The following OSBPL10 variants were observed in gnomAD, a reference collection of about 807,000 sequenced individuals.
The protein encoded by OSBPL10 is oxysterol-binding protein-related protein 10.
OSBPL10 carries 49 observed loss-of-function variants against 81.7 expected under a neutral mutation model. The ratio of observed to expected loss-of-function variants is 0.60; its 90% CI spans 0.48 to 0.76. The LOEUF (loss-of-function observed/expected upper bound fraction) is 0.76, where lower values mean the gene tolerates loss of function less well. Ranked by LOEUF, OSBPL10 falls within the 30% of genes least tolerant of loss-of-function variation. The pLI is 0.00. For missense variants in OSBPL10, 923 were observed against 987.8 expected (o/e 0.93, Z 0.88); for synonymous variants, 419 against 383.6 (o/e 1.09, Z -1.08).
chr3:31,824,815 A>G (rs1700063920), intron 4 of OSBPL10, among the ~76,000 whole-genome samples: 1 of 152,126 alleles, frequency 6.6e-6, no homozygotes, highest in African/African-American at 2.4e-5. Context: ...AGTTGCGGGT[A>G]TATCATCCCA....
chr3:31,932,100 A>G (rs1158047041), intron 1 of OSBPL10, among the ~76,000 whole-genome samples: 1 of 152,176 alleles, frequency 6.6e-6, no homozygotes, highest in Non-Finnish European at 1.5e-5. Flanking sequence ...CAGAATTTAT[A>G]TATCTGATTA....
chr3:32,060,277 C>T (rs1406219311), intron 1 of OSBPL10, among the ~76,000 whole-genome samples: 1 of 152,146 alleles, frequency 6.6e-6, no homozygotes, highest in Non-Finnish European at 1.5e-5. Flanking sequence ...CAGGCAAGAT[C>T]CGGCCTCCTT....
chr3:31,878,379 A>T (rs1701532563), intron 2 of OSBPL10, among the ~76,000 whole-genome samples: 1 of 152,260 alleles, frequency 6.6e-6, no homozygotes, highest in Non-Finnish European at 1.5e-5. Flanking sequence ...GAAGCCAAGG[A>T]CCATATAAAT....
intron 1 of OSBPL10, among the ~76,000 whole-genome samples, chr3:31,899,411 G>C (rs1204066057): frequency 6.6e-6 from 1 of 152,058 alleles, no homozygotes; most frequent in Non-Finnish European, 1.5e-5. Flanking sequence ...GTGGAAAGAA[G>C]AAACATAGAA....
intron 1 of OSBPL10, among the ~76,000 whole-genome samples, chr3:31,923,216 G>A (rs67579904): frequency 0.11 from 17,399 of 152,098 alleles, 1,131 homozygotes; most frequent in Middle Eastern, 0.17. Flanking sequence ...ACTGGTGGAG[G>A]AAAGGGGTGG....
intron 3 of OSBPL10, among the ~76,000 whole-genome samples, chr3:31,833,446 C>A (rs912986286): frequency 6.6e-6 from 1 of 152,132 alleles, no homozygotes; most frequent in Non-Finnish European, 1.5e-5. Context: ...ATATACAATA[C>A]TTAGCACAGT....
chr3:31,854,260 T>C (rs58814345), intron 3 of OSBPL10, among the ~76,000 whole-genome samples: 2,407 of 152,210 alleles, frequency 0.016, 53 homozygotes, highest in African/African-American at 0.055. Flanking sequence ...AGGCCTGCTC[T>C]GATCTTCCTT....
At chr3:31,718,808 G>A (rs1696539018) in intron 6 of OSBPL10, 2 of 152,072 alleles carry the variant, frequency 1.3e-5, no homozygotes, top group Non-Finnish European at 2.9e-5. Context: ...TTAAAAACCA[G>A]TAACATCAGA....
At chr3:31,817,637 G>A (rs189651565) in intron 4 of OSBPL10, among the ~76,000 whole-genome samples, 26 of 152,224 alleles carry the variant, frequency 1.7e-4, no homozygotes, top group African/African-American at 5.5e-4. Context: ...ATCCACAGCC[G>A]CAGTTTGGGC....
At position 31,749,524 on chromosome 3, in the gene OSBPL10, A is replaced by G. The variant is rs534362526; in HGVS notation, c.730-1404T>C. On this transcript the variant is annotated intron_variant, in intron 4 of 11. Transcript: ENST00000396556. ...TCATTTCTTCTCCAGGTCTTTGTTTAAAAGTCACCTTTTTAGCTGCTTGCA... is the reference window on the plus strand; with the variant it reads ...TCATTTCTTCTCCAGGTCTTTGTTTGAAAGTCACCTTTTTAGCTGCTTGCA... Among the ~76,000 whole-genome samples the G allele has an allele frequency of 2.1e-4, 32 of 152,368 alleles. No individual in the cohort carries two copies. The Middle Eastern group carries it at 0.01, about 49-fold the overall frequency.
Position 31,684,050 on chromosome 3 carries a change from G to A in OSBPL10, c.1310C>T (p.Ala437Val), listed in dbSNP as rs755721407. The A allele has an allele frequency of 2.2e-5, 35 of 1,614,204 alleles. No homozygotes were observed. The highest frequency in any genetic ancestry group is 1.0e-4 in the Admixed American group (6 of 60,028). Reference sequence around the variant, plus strand: ...GATGGCCAGCAGTAGGTCTGGGTGCGCCATGAAATCTGCATACATCTCCAG... The same window carrying A: ...GATGGCCAGCAGTAGGTCTGGGTGCACCATGAAATCTGCATACATCTCCAG... ...SLLEMYADFM[A>V]HPDLLLAITA... The change falls in exon 8 of 12, where the codon GCG (alanine) becomes GTG (valine). Residue 437 changes from alanine (A) to valine (V), a missense_variant. This residue lies in a region of OSBPL10 where 387 missense variants were observed against 436.3 expected (regional missense o/e 0.89). Coordinates refer to ENST00000396556, the MANE Select transcript of OSBPL10 (RefSeq NM_017784.5).
intron 1 of OSBPL10, among the ~76,000 whole-genome samples, chr3:31,911,462 G>A (rs1180149113): frequency 2.0e-5 from 3 of 152,054 alleles, no homozygotes; most frequent in South Asian, 2.1e-4. Context: ...GGGGAATGGC[G>A]AAACACCACT....
At chr3:31,979,977 C>G (rs983486766) in intron 1 of OSBPL10, among the ~76,000 whole-genome samples, 2 of 150,614 alleles carry the variant, frequency 1.3e-5, no homozygotes, top group South Asian at 2.1e-4. Context: ...TTTTTTCTTT[C>G]TTTTTATTAT....
intron 3 of OSBPL10, among the ~76,000 whole-genome samples, chr3:31,862,438 C>G (rs1701079059): frequency 6.6e-6 from 1 of 152,088 alleles, no homozygotes; most frequent in South Asian, 2.1e-4. Flanking sequence ...GCGTTCCACC[C>G]TAGAACTTTA....
intron 2 of OSBPL10, among the ~76,000 whole-genome samples, chr3:32,032,707 T>G (rs1363389794): frequency 6.6e-6 from 1 of 152,204 alleles, no homozygotes; most frequent in African/African-American, 2.4e-5. Context: ...ATTGAACAGT[T>G]GACTTAAGTT....
chr3:31,978,745 A>T (rs1403925772), intron 1 of OSBPL10, among the ~76,000 whole-genome samples: 1 of 152,240 alleles, frequency 6.6e-6, no homozygotes, highest in African/African-American at 2.4e-5. Flanking sequence ...AACTCAATAA[A>T]GATGAGACAT....
chr3:31,965,524 A>T (rs1355349529), intron 1 of OSBPL10, among the ~76,000 whole-genome samples: 1 of 67,542 alleles, frequency 1.5e-5, no homozygotes, highest in African/African-American at 7.3e-5. Context: ...TATATAAACT[A>T]TTATATTATA....
chr3:31,849,994 A>C (rs1452734833), intron 3 of OSBPL10, among the ~76,000 whole-genome samples: 1 of 152,048 alleles, frequency 6.6e-6, no homozygotes, highest in Non-Finnish European at 1.5e-5. Context: ...GTGAAACCCC[A>C]TCTCTACTAA....
chr3:31,772,727 T>C (rs1698418704), intron 4 of OSBPL10, among the ~76,000 whole-genome samples: 1 of 152,240 alleles, frequency 6.6e-6, no homozygotes, highest in South Asian at 2.1e-4. Context: ...AAACACAGTT[T>C]TCACCATTCT....
Sources: gnomAD v4.1 joint callset for allele counts (sites outside exome capture counted in the v4.1 genomes callset) on GRCh38, gnomAD v4.1.1 for gene constraint, gnomAD v4.1.1 regional missense constraint, MANE v1.5 for transcripts, NCBI Gene and HGNC (gene_info 2026-07-23, HGNC 2026-07-21) for gene names.